The following PDE4B variants were observed in gnomAD, a reference collection of about 807,000 sequenced individuals.
The protein encoded by PDE4B is 3',5'-cyclic-AMP phosphodiesterase 4B.
In PDE4B, 20 loss-of-function variants were observed where a neutral mutation model predicts 82.2. That is an observed-to-expected ratio of 0.24 (90% CI 0.17 to 0.35). The LOEUF (loss-of-function observed/expected upper bound fraction) is 0.35. PDE4B is among the 10% of genes least tolerant of loss of function. PDE4B has a pLI of 1.00. For missense variants in PDE4B, 655 were observed against 907.2 expected, an observed-to-expected ratio of 0.72 and a Z score of 3.57; for synonymous variants, 320 against 318.9, an observed-to-expected ratio of 1.00 and a Z score of -0.04.
intron 3 of PDE4B, among the ~76,000 whole-genome samples, chr1:66,178,810 A>G (rs1646990690): frequency 6.6e-6 from 1 of 152,170 alleles, no homozygotes; most frequent in Non-Finnish European, 1.5e-5. Context: ...TATCTAGTCT[A>G]TGAATGTCAA....
rs182944790 is a variant in PDE4B at position 65,844,337 on chromosome 1, C to T, written c.-71+51089C>T. Among the ~76,000 whole-genome samples, 176 of 152,304 alleles carry T rather than the reference C, an allele frequency of 1.2e-3. 1 individual carries two copies. Among genetic ancestry groups the T allele is most frequent in the Non-Finnish European group, 2.1e-3 (144 of 68,030 alleles). On this transcript the variant is annotated intron_variant, in intron 1 of 16. Coordinates refer to ENST00000341517, the MANE Select transcript of PDE4B (RefSeq NM_002600.4). ...TAGCTAGGCAGTCCAAACACAAATA[C>T]ATTTTTGAAGAGGAATAAAAGTAGT...
chr1:66,164,952 G>A (rs548580648), intron 3 of PDE4B, among the ~76,000 whole-genome samples: 17 of 151,728 alleles, frequency 1.1e-4, no homozygotes, highest in African/African-American at 3.1e-4. Flanking sequence ...TAGTAGAGAC[G>A]GGGTTTCACT....
chr1:65,818,409 T>C (rs1485989145), intron 1 of PDE4B, among the ~76,000 whole-genome samples: 1 of 152,130 alleles, frequency 6.6e-6, no homozygotes, highest in African/African-American at 2.4e-5. Flanking sequence ...CCATCCTCCT[T>C]CTTCCTATTG....
chr1:65,939,958 A>G (rs1163659368), intron 3 of PDE4B, among the ~76,000 whole-genome samples: 2 of 152,178 alleles, frequency 1.3e-5, no homozygotes, highest in African/African-American at 4.8e-5. Context: ...TAAAGGCATG[A>G]GTTTGTTCAT....
At chr1:66,287,694 T>A (rs532708905) in intron 7 of PDE4B, among the ~76,000 whole-genome samples, 2 of 152,240 alleles carry the variant, frequency 1.3e-5, no homozygotes, top group East Asian at 3.9e-4. Flanking sequence ...ATCGCCTACG[T>A]TTTAGGCTAG....
At chr1:66,319,119 A>T (rs1659223941) in intron 7 of PDE4B, among the ~76,000 whole-genome samples, 2 of 152,364 alleles carry the variant, frequency 1.3e-5, no homozygotes, top group Non-Finnish European at 2.9e-5. Context: ...TGCGATTTTC[A>T]TAAAGTGATG....
intron 7 of PDE4B, among the ~76,000 whole-genome samples, chr1:66,295,876 T>C (rs1346814629): frequency 6.6e-6 from 1 of 152,138 alleles, no homozygotes; most frequent in Non-Finnish European, 1.5e-5. Context: ...CAGCACAATA[T>C]AGCCAATTTT....
chr1:65,824,622 T>C (rs926152551), intron 1 of PDE4B, among the ~76,000 whole-genome samples: 2 of 148,032 alleles, frequency 1.4e-5, no homozygotes, highest in East Asian at 2.0e-4. Flanking sequence ...CATATATATA[T>C]ACACATATAT....
At chr1:65,803,539 G>A (rs1645719911) in intron 1 of PDE4B, among the ~76,000 whole-genome samples, 1 of 152,178 alleles carries the variant, frequency 6.6e-6, no homozygotes, top group Admixed American at 6.5e-5. Flanking sequence ...CTCACTGTGA[G>A]GGGAAGAGAA....
At chr1:66,109,749 A>G (rs976647256) in intron 3 of PDE4B, among the ~76,000 whole-genome samples, 5 of 151,976 alleles carry the variant, frequency 3.3e-5, no homozygotes, top group African/African-American at 9.7e-5. Context: ...TTACATGGAT[A>G]TATTGAGTAT....
chr1:65,812,655 C>G (rs1327742724), intron 1 of PDE4B, among the ~76,000 whole-genome samples: 1 of 152,068 alleles, frequency 6.6e-6, no homozygotes, highest in Non-Finnish European at 1.5e-5. Context: ...GTAGTAAATA[C>G]TGAACTACAT....
intron 3 of PDE4B, among the ~76,000 whole-genome samples, chr1:66,106,137 T>C (rs973932352): frequency 1.3e-5 from 2 of 152,140 alleles, no homozygotes; most frequent in South Asian, 4.1e-4. Flanking sequence ...TTATTGAGAG[T>C]TTTTAGCATG....
intron 3 of PDE4B, among the ~76,000 whole-genome samples, chr1:66,102,406 A>G (rs1303536335): frequency 6.6e-6 from 1 of 152,222 alleles, no homozygotes; most frequent in African/African-American, 2.4e-5. Context: ...ATCAGAATTT[A>G]TTATTCTAGC....
chr1:65,941,575 G>A (rs1295929455), intron 3 of PDE4B, among the ~76,000 whole-genome samples: 2 of 151,912 alleles, frequency 1.3e-5, no homozygotes, highest in Non-Finnish European at 2.9e-5. Flanking sequence ...GAGTTACTGG[G>A]GGAGGCAGAC....
At chr1:65,822,707 T>C (rs757465439) in intron 1 of PDE4B, among the ~76,000 whole-genome samples, 1 of 152,200 alleles carries the variant, frequency 6.6e-6, no homozygotes, top group African/African-American at 2.4e-5. Flanking sequence ...TTCTACCACA[T>C]GAGGACACAG....
chr1:65,907,280 G>A (rs778164726), intron 1 of PDE4B, among the ~76,000 whole-genome samples: 3 of 152,136 alleles, frequency 2.0e-5, no homozygotes, highest in Admixed American at 6.6e-5. Flanking sequence ...AAGGGGGAAA[G>A]TCTAATATTT....
At chr1:66,107,243 C>T (rs995858138) in intron 3 of PDE4B, among the ~76,000 whole-genome samples, 4 of 151,912 alleles carry the variant, frequency 2.6e-5, no homozygotes, top group South Asian at 2.1e-4. Flanking sequence ...TGTAGTTGAG[C>T]GGTTTTGAGT....
chr1:66,126,914 C>A (rs1385586195), intron 3 of PDE4B, among the ~76,000 whole-genome samples: 1 of 152,176 alleles, frequency 6.6e-6, no homozygotes, highest in East Asian at 1.9e-4. Flanking sequence ...GGATATACTT[C>A]AAGCGTGCAT....
chr1:66,265,957 T>C (rs1429858657), intron 6 of PDE4B, 81 bp from the exon 7 acceptor site: 18 of 1,005,910 alleles, frequency 1.8e-5, no homozygotes, highest in Admixed American at 1.0e-4. Flanking sequence ...AAGTCCTCAG[T>C]AACCATGAGG....
Sources: gnomAD v4.1 joint callset for allele counts (sites outside exome capture counted in the v4.1 genomes callset) on GRCh38, gnomAD v4.1.1 for gene constraint, MANE v1.5 for transcripts, NCBI Gene and HGNC (gene_info 2026-07-23, HGNC 2026-07-21) for gene names.